Variants in PRRC2C observed in about 807,000 individuals in gnomAD.
PRRC2C encodes protein PRRC2C.
A neutral mutation model predicts 317.2 loss-of-function variants in PRRC2C; 72 were observed. The ratio of observed to expected loss-of-function variants is 0.23; its 90% CI spans 0.19 to 0.28. PRRC2C has a LOEUF of 0.28. PRRC2C is among the 10% of genes least tolerant of loss of function. PRRC2C has a pLI of 1.00. For missense variants in PRRC2C, 3,074 were observed against 3,459.7 expected, an observed-to-expected ratio of 0.89 and a Z score of 2.80; for synonymous variants, 1,296 against 1,205.9, an observed-to-expected ratio of 1.07 and a Z score of -1.55.
chr1:171,577,903 A>G (rs1558040424), intron 26 of PRRC2C, among the ~76,000 whole-genome samples: 1 of 145,964 alleles, frequency 6.9e-6, no homozygotes, highest in East Asian at 2.0e-4. Context: ...TCAGCCTCCC[A>G]AGTAGCTGGG....
chr1:171,551,763 G>C (rs563593750), intron 18 of PRRC2C, among the ~76,000 whole-genome samples: 10 of 152,306 alleles, frequency 6.6e-5, no homozygotes, highest in African/African-American at 2.4e-4. Context: ...CCAAAAATCA[G>C]ATGGTTGTAG....
At chr1:171,489,888 T>C (rs184679424) in intron 1 of PRRC2C, among the ~76,000 whole-genome samples, 1 of 152,316 alleles carries the variant, frequency 6.6e-6, no homozygotes, top group East Asian at 1.9e-4. Context: ...TCAATTCAAC[T>C]TGCTGTCTTT....
In PRRC2C at chr1:171,558,034, A is replaced by G; in HGVS notation, c.5922A>G (p.Val1974=). The G allele has an allele frequency of 6.2e-7, 1 of 1,614,036 alleles. No homozygotes were observed. The highest frequency in any genetic ancestry group is 8.5e-7 in the Non-Finnish European group (1 of 1,179,904). ...SAQTPNGTDY[V]ASGKSIQTPQ... ...AAACACCTAATGGCACAGATTATGT[A>G]GCCTCAGGAAAATCCATCCAGACCC... The change falls in exon 19 of 35, where the codon GTA becomes GTG. Residue 1974 remains valine (V), a synonymous_variant. Coordinates refer to ENST00000647382, the MANE Select transcript of PRRC2C (RefSeq NM_001387844.1).
intron 9 of PRRC2C, among the ~76,000 whole-genome samples, chr1:171,524,202 T>G (rs1283417547): frequency 6.6e-6 from 1 of 152,172 alleles, no homozygotes; most frequent in African/African-American, 2.4e-5. Flanking sequence ...CTCGATTTCT[T>G]AAAACTTAGT....
At position 171,524,811 on chromosome 1, in the gene PRRC2C, G is replaced by T. The variant is rs1674275296; in HGVS notation, c.1056-10G>T. 3.2e-6 allele frequency: 5 copies of T among 1,539,112 alleles called. No homozygotes were observed. The South Asian group carries it at 3.7e-5, about 12-fold the overall frequency. On this transcript the variant is annotated splice_polypyrimidine_tract_variant and intron_variant, in intron 9 of 34. Transcript: ENST00000647382. The stretch of plus-strand genomic sequence containing the variant: ...GTCCACTTTATTTCTTCTGCATTTT[G>T]ATTTTTCAGTGAGGATCAAGGTTCA...
At chr1:171,514,778 A>C in intron 4 of PRRC2C, 133 bp downstream of exon 4, 3 of 778,928 alleles carry the variant, frequency 3.9e-6, no homozygotes, top group Non-Finnish European at 4.0e-6. Flanking sequence ...GCTCTTAAAA[A>C]GGTTTTTTAA....
chr1:171,535,935 G>T, intron 13 of PRRC2C, 94 bp from the exon 14 acceptor site: 2 of 1,441,918 alleles, frequency 1.4e-6, no homozygotes, highest in South Asian at 2.5e-5. Context: ...TTCCTTCAAG[G>T]ATTCAAAACA....
intron 33 of PRRC2C, 70 bp downstream of exon 33, chr1:171,588,575 C>A: frequency 6.7e-7 from 1 of 1,493,566 alleles, no homozygotes; most frequent in Non-Finnish European, 9.2e-7. Context: ...AAATTATTAT[C>A]TTGCCTTATG....
At chr1:171,486,809 T>A (rs1980512) in intron 1 of PRRC2C, among the ~76,000 whole-genome samples, 133,752 of 152,178 alleles carry the variant, frequency 0.88, 59,067 homozygotes, top group East Asian at 0.97. Context: ...AATAATAGGG[T>A]GATACTAAGC....
intron 17 of PRRC2C, 33 bp from the exon 18 acceptor site, chr1:171,550,053 G>T: frequency 6.8e-7 from 1 of 1,481,108 alleles, no homozygotes; most frequent in South Asian, 1.4e-5. Context: ...TTGAAAAACA[G>T]AAAATATCTT....
Position 171,561,156 on chromosome 1 carries a change from A to G in PRRC2C, c.6117+53A>G. 8 of 1,481,742 alleles carry G rather than the reference A, an allele frequency of 5.4e-6. No homozygotes were observed. In the South Asian group the frequency reaches 7.9e-5, roughly 15 times the overall value. 91.8% of individuals were successfully genotyped at this position (1,481,742 alleles called of 1,614,324 possible). Reference sequence around the variant, plus strand: ...TGTGCTGGATTTTCCCTAATACTTCAGTGTGGCCGGGTGTGGTGGCTTACA... The same window carrying G: ...TGTGCTGGATTTTCCCTAATACTTCGGTGTGGCCGGGTGTGGTGGCTTACA... On this transcript the variant is annotated intron_variant, in intron 20 of 34. Coordinates refer to ENST00000647382, the MANE Select transcript of PRRC2C (RefSeq NM_001387844.1).
chr1:171,576,693 G>C (rs560923711), intron 25 of PRRC2C, among the ~76,000 whole-genome samples: 1 of 151,576 alleles, frequency 6.6e-6, no homozygotes, highest in South Asian at 2.1e-4. Context: ...GAGTTGTGTG[G>C]TTTTTTTTGT....
At chr1:171,545,005 T>C (rs558828963) in intron 16 of PRRC2C, among the ~76,000 whole-genome samples, 1 of 152,366 alleles carries the variant, frequency 6.6e-6, no homozygotes, top group African/African-American at 2.4e-5. Context: ...TTAAAGTTTT[T>C]TAAATAATTA....
chr1:171,526,087 G>A (rs978351585), intron 10 of PRRC2C, among the ~76,000 whole-genome samples: 2 of 152,142 alleles, frequency 1.3e-5, no homozygotes, highest in Non-Finnish European at 2.9e-5. Context: ...AAAGAATAGA[G>A]GAATAGATGG....
At chr1:171,539,874 G>A (rs1042750465) in intron 15 of PRRC2C, 97 bp from the exon 16 acceptor site, 2 of 1,032,480 alleles carry the variant, frequency 1.9e-6, no homozygotes, top group East Asian at 2.4e-5. Flanking sequence ...ATGGTTAAGA[G>A]TCATTGCTTT....
intron 1 of PRRC2C, chr1:171,509,805 A>G (rs928252693): frequency 4.9e-5 from 7 of 143,598 alleles, no homozygotes; most frequent in African/African-American, 1.5e-4. Context: ...CTAGAGAAAC[A>G]TGGTTTCTCT....
At chr1:171,591,268 G>A in intron 34 of PRRC2C, 1 of 971,716 alleles carries the variant, frequency 1.0e-6, no homozygotes, top group Non-Finnish European at 1.3e-6. Context: ...ATAACTAGAA[G>A]TTTTAAGTGT....
intron 19 of PRRC2C, among the ~76,000 whole-genome samples, chr1:171,559,801 G>A (rs1184489065): frequency 6.6e-6 from 1 of 152,034 alleles, no homozygotes; most frequent in African/African-American, 2.4e-5. Flanking sequence ...GATTACAGGT[G>A]TGAGCCACCA....
At chr1:171,570,845 C>T (rs1332113927) in intron 23 of PRRC2C, among the ~76,000 whole-genome samples, 3 of 152,076 alleles carry the variant, frequency 2.0e-5, no homozygotes, top group African/African-American at 7.2e-5. Flanking sequence ...CTGGTGGAAC[C>T]TGTAGATATA....
Sources: gnomAD v4.1 joint callset for allele counts (sites outside exome capture counted in the v4.1 genomes callset) on GRCh38, gnomAD v4.1.1 for gene constraint, MANE v1.5 for transcripts, NCBI Gene and HGNC (gene_info 2026-07-23, HGNC 2026-07-21) for gene names.